COL5A1: variants seen among roughly 807,000 people sequenced by gnomAD.
The protein encoded by COL5A1 is collagen type V alpha 1 chain.
A neutral mutation model predicts 263.7 loss-of-function variants in COL5A1; 16 were observed. That is an observed-to-expected ratio of 0.06 (90% CI 0.04 to 0.09). The LOEUF (loss-of-function observed/expected upper bound fraction) is 0.09. Among genes scored for constraint, COL5A1 ranks in the 10% least tolerant of loss-of-function variants. The pLI, the probability that COL5A1 is intolerant of heterozygous loss-of-function variation, is 1.00. For missense variants in COL5A1, 2,036 were observed against 2,540.5 expected (o/e 0.80, Z 4.27); for synonymous variants, 1,012 against 1,004.5 (o/e 1.01, Z -0.14).
chr9:134,664,126 G>A (rs894155011), intron 1 of COL5A1, among the ~76,000 whole-genome samples: 18 of 152,350 alleles, frequency 1.2e-4, no homozygotes, highest in African/African-American at 4.3e-4. Flanking sequence ...GGGAAAGACA[G>A]GATTCATCAT....
intron 6 of COL5A1, among the ~76,000 whole-genome samples, chr9:134,729,231 C>T (rs1834774937): frequency 6.6e-6 from 1 of 152,198 alleles, no homozygotes; most frequent in African/African-American, 2.4e-5. Context: ...CGGGTCCTCC[C>T]CGCTCTGGGC....
In COL5A1 at chr9:134,700,949, T is replaced by G. The variant is rs1461958132; in HGVS notation, c.492-222T>G. Among the ~76,000 whole-genome samples, 2 of 152,140 alleles carry G rather than the reference T, an allele frequency of 1.3e-5. No individual in the cohort carries two copies. The highest frequency in any genetic ancestry group is 2.9e-5 in the Non-Finnish European group (2 of 68,022). ...TGGGCTTCCAGGGTTCAGACAGCCA[T>G]CCTTGTCTGAGGGACGAGGGTTCTG... On this transcript the variant is annotated intron_variant, in intron 3 of 65. Transcript: ENST00000371817. The surrounding 1 kb of genome is among the most constrained non-coding windows in gnomAD (Gnocchi z 4.0).
chr9:134,823,359 A>T, intron 60 of COL5A1, 57 bp from the exon 61 acceptor site: 1 of 1,588,486 alleles, frequency 6.3e-7, no homozygotes, highest in Non-Finnish European at 8.6e-7. Flanking sequence ...CTGAAGGTGG[A>T]TTCAAAGTCC....
intron 11 of COL5A1, among the ~76,000 whole-genome samples, chr9:134,745,349 G>T (rs916343669): frequency 6.6e-6 from 1 of 152,226 alleles, no homozygotes; most frequent in Non-Finnish European, 1.5e-5. Flanking sequence ...CATGAATGGC[G>T]CCAAGTGCAC....
rs765079080 is a variant in COL5A1 at position 134,795,057 on chromosome 9, T to G, written c.2701-25T>G. ...CAGGGCCGGGCATTTAGAGAGTGAC[T>G]GACCAGCCCCTTCTCTGATTCTAGG... On this transcript the variant is annotated intron_variant, in intron 32 of 65. Coordinates refer to ENST00000371817, the MANE Select transcript of COL5A1 (RefSeq NM_000093.5). 2.5e-6 allele frequency: 4 copies of G among 1,613,210 alleles called. No homozygotes were observed. The highest frequency in any genetic ancestry group is 3.4e-6 in the Non-Finnish European group (4 of 1,179,314).
At position 134,758,432 on chromosome 9, in the gene COL5A1, C is replaced by T; in HGVS notation, c.1935+136C>T. ...GCCATTCCAACAGTCAGTATACAAA[C>T]CTCACGGGAGTCAGCAATGGCAGTG... is the stretch of plus-strand genomic sequence containing the variant. On this transcript the variant is annotated intron_variant, in intron 18 of 65. Coordinates refer to ENST00000371817, the MANE Select transcript of COL5A1 (RefSeq NM_000093.5). This position sits in a 1 kb window ranked among gnomAD's most constrained non-coding sequence, Gnocchi z 4.1. The T allele has an allele frequency of 3.5e-6, 3 of 857,490 alleles. No homozygotes were observed. The highest frequency in any genetic ancestry group is 2.6e-5 in the East Asian group (1 of 38,098). 53.1% of individuals were successfully genotyped at this position (857,490 alleles called of 1,614,324 possible).
At chr9:134,762,624 T>C (rs1836498532) in intron 19 of COL5A1, among the ~76,000 whole-genome samples, 1 of 152,184 alleles carries the variant, frequency 6.6e-6, no homozygotes, top group Non-Finnish European at 1.5e-5. Flanking sequence ...TTCCAAGCTC[T>C]TCCCTGCAGG....
chr9:134,715,925 G>C (rs1834243753), intron 4 of COL5A1, among the ~76,000 whole-genome samples: 1 of 152,024 alleles, frequency 6.6e-6, no homozygotes, highest in South Asian at 2.1e-4. Context: ...TGGAGGTGAT[G>C]ATAGTGGTGG....
At chr9:134,760,388 ACCC>A in intron 18 of COL5A1, among the ~76,000 whole-genome samples, 1 of 70,090 alleles carries the variant, frequency 1.4e-5, no homozygotes, top group Admixed American at 1.9e-4. Flanking sequence ...ATGCATACAC[ACCC>A]CCACACCCCC....
At chr9:134,654,561 G>GTA (rs1831855985) in intron 1 of COL5A1, among the ~76,000 whole-genome samples, 1 of 120,780 alleles carries the variant, frequency 8.3e-6, no homozygotes, top group African/African-American at 3.2e-5. Flanking sequence ...GTGTAGGGCT[G>GTA]GGTGTGTGTA....
At position 134,648,306 on chromosome 9, in the gene COL5A1, T is replaced by TA. The variant is rs1175431525; in HGVS notation, c.109+6011dup. 5.2e-5 allele frequency among the ~76,000 whole-genome samples: 5 copies of TA among 97,006 alleles called. No individual in the cohort carries two copies. In the South Asian group the frequency reaches 9.3e-4, roughly 18 times the overall value. The allele number at this position is 97,006 out of a possible 152,430, so 63.6% of individuals were successfully genotyped here. On this transcript the variant is annotated intron_variant, in intron 1 of 65. Coordinates refer to ENST00000371817, the MANE Select transcript of COL5A1 (RefSeq NM_000093.5). ...TAAACTCCTATATATATATATATAATATATATATATATATTTCTATTATTT... is the reference window on the plus strand; with the variant it reads ...TAAACTCCTATATATATATATATAATAATATATATATATATTTCTATTATTT...
chr9:134,754,447 C>G lies in COL5A1; in HGVS notation c.1827+121C>G. ...CACATGAAGCCAGGTGGCTCCCCTT[C>G]TTGTGATGGGTGCGTCCATCCCCAA... On this transcript the variant is annotated intron_variant, in intron 16 of 65. Coordinates refer to ENST00000371817, the MANE Select transcript of COL5A1 (RefSeq NM_000093.5). This position sits in a 1 kb window ranked among gnomAD's most constrained non-coding sequence, Gnocchi z 4.3. 1.6e-5 allele frequency: 18 copies of G among 1,132,362 alleles called. No homozygotes were observed. The South Asian group carries it at 2.2e-4, about 14-fold the overall frequency. The allele number at this position is 1,132,362 out of a possible 1,614,324, so 70.1% of individuals were successfully genotyped here.
At position 134,700,766 on chromosome 9, in the gene COL5A1, C is replaced by T. The variant is rs769615457; in HGVS notation, c.492-405C>T. 7.9e-5 allele frequency among the ~76,000 whole-genome samples: 12 copies of T among 152,354 alleles called. No individual in the cohort carries two copies. Among genetic ancestry groups the T allele is most frequent in the Non-Finnish European group, 1.3e-4 (9 of 68,042 alleles). On this transcript the variant is annotated intron_variant, in intron 3 of 65. Coordinates refer to ENST00000371817, the MANE Select transcript of COL5A1 (RefSeq NM_000093.5). This position sits in a 1 kb window ranked among gnomAD's most constrained non-coding sequence, Gnocchi z 4.0. ...TCAGAGGGCACGTGACAAGTGCTCG[C>T]ATGCACACAGCAAAATACAACGGCC...
intron 1 of COL5A1, among the ~76,000 whole-genome samples, chr9:134,667,606 G>A (rs983762574): frequency 3.9e-5 from 6 of 152,208 alleles, no homozygotes; most frequent in South Asian, 2.1e-4. Context: ...ACCTGCTGTC[G>A]CTAGGCTTAT....
intron 7 of COL5A1, 79 bp downstream of exon 7, chr9:134,730,554 C>G: frequency 1.3e-6 from 2 of 1,590,272 alleles, no homozygotes; most frequent in Non-Finnish European, 1.7e-6. Flanking sequence ...GCTGAGCTCC[C>G]TTCTTACTCC....
At chr9:134,722,082 G>A (rs527713672) in intron 4 of COL5A1, among the ~76,000 whole-genome samples, 17 of 152,360 alleles carry the variant, frequency 1.1e-4, no homozygotes, top group Non-Finnish European at 1.6e-4. Flanking sequence ...AGTGGTGCCC[G>A]CAGAACACAC....
At chr9:134,832,071 C>T (rs1357687659) in intron 64 of COL5A1, among the ~76,000 whole-genome samples, 1 of 152,080 alleles carries the variant, frequency 6.6e-6, no homozygotes, top group African/African-American at 2.4e-5. Flanking sequence ...TTGAGACCAG[C>T]CTGGGCAACA....
intron 11 of COL5A1, among the ~76,000 whole-genome samples, chr9:134,747,923 A>G (rs905345670): frequency 2.0e-5 from 3 of 147,594 alleles, no homozygotes; most frequent in Non-Finnish European, 3.0e-5. Context: ...GCACACATGC[A>G]TTCATACACA....
At chr9:134,831,832 A>C (rs1408948851) in intron 64 of COL5A1, among the ~76,000 whole-genome samples, 1 of 152,198 alleles carries the variant, frequency 6.6e-6, no homozygotes, top group African/African-American at 2.4e-5. Context: ...GTCCTGTTCC[A>C]CAGAGAGTTA....
Sources: allele counts gnomAD v4.1 joint callset (sites outside exome capture counted in the v4.1 genomes callset), GRCh38; gene constraint gnomAD v4.1.1; non-coding constraint Gnocchi (gnomAD v3.1); transcripts MANE v1.5; gene names NCBI Gene and HGNC (gene_info 2026-07-23, HGNC 2026-07-21).